Variants in DBF4 observed in about 807,000 individuals in gnomAD.
DBF4 encodes protein DBF4 homolog A.
DBF4 carries 25 observed loss-of-function variants against 76.6 expected under a neutral mutation model. That is an observed-to-expected ratio of 0.33 (90% CI 0.24 to 0.46). The LOEUF (loss-of-function observed/expected upper bound fraction) is 0.46, where lower values mean the gene tolerates loss of function less well. DBF4 is among the 20% of genes least tolerant of loss of function. DBF4 has a pLI of 1.00. For missense variants in DBF4, 638 were observed against 760.8 expected, an observed-to-expected ratio of 0.84 and a Z score of 1.90; for synonymous variants, 213 against 258.0, an observed-to-expected ratio of 0.83 and a Z score of 1.67.
intron 6 of DBF4, among the ~76,000 whole-genome samples, chr7:87,888,585 A>G (rs1839416589): frequency 1.3e-5 from 2 of 152,138 alleles, no homozygotes; most frequent in Admixed American, 6.5e-5. Flanking sequence ...GCATCTATAC[A>G]GTTTCAGGCT....
rs545840006 is a variant in DBF4, at chr7:87,901,313, T to C, written c.924+435T>C. ...GAGTAGAGACCTGAGAGAAATGAAGTAATGAGACCTGGATATTGAGATAAG... is the reference window on the plus strand; with the variant it reads ...GAGTAGAGACCTGAGAGAAATGAAGCAATGAGACCTGGATATTGAGATAAG... On this transcript the variant is annotated intron_variant, in intron 10 of 11. Transcript: ENST00000265728. Among the ~76,000 whole-genome samples the C allele has an allele frequency of 2.4e-3, 370 of 152,214 alleles. 5 individuals are homozygous for C. The highest frequency in any genetic ancestry group is 8.7e-3 in the African/African-American group (360 of 41,542).
chr7:87,905,940 T>A (rs1185889612), intron 11 of DBF4, among the ~76,000 whole-genome samples: 1 of 151,302 alleles, frequency 6.6e-6, no homozygotes, highest in Non-Finnish European at 1.5e-5. Context: ...GGCGGGCAGA[T>A]CACTTGAGGC....
Position 87,876,770 on chromosome 7 carries a change from A to T in DBF4, c.38A>T (p.His13Leu). 6.2e-7 allele frequency: 1 copy of T among 1,614,078 alleles called. No individual in the cohort carries two copies. The highest frequency in any genetic ancestry group is 8.5e-7 in the Non-Finnish European group (1 of 1,179,976). Reference sequence around the variant, plus strand: ...GCCATGAGGATCCACAGTAAAGGACATTTCCAGGGTAAGAAGCCCCTCCTC... The same window carrying T: ...GCCATGAGGATCCACAGTAAAGGACTTTTCCAGGGTAAGAAGCCCCTCCTC... ...SGAMRIHSKGHFQGGIQVKNE... is the reference protein window; with the variant it reads ...SGAMRIHSKGLFQGGIQVKNE... The change falls in exon 1 of 12, where the codon CAT (histidine) becomes CTT (leucine). Residue 13 changes from histidine to leucine, a missense_variant. By Grantham distance (99) the His-to-Leu change is moderately conservative (BLOSUM62 -3). Coordinates refer to ENST00000265728, the MANE Select transcript of DBF4 (RefSeq NM_006716.4).
chr7:87,907,581 C>G lies in DBF4; in HGVS notation c.1443C>G (p.His481Gln). The G allele has an allele frequency of 6.2e-7, 1 of 1,614,088 alleles. No individual in the cohort carries two copies. The highest frequency in any genetic ancestry group is 1.3e-5 in the African/African-American group (1 of 75,050). ...ACTTAGAAGAACTAAGGGTAGATCA[C>G]TATAAATGTAACATACAGGCATCTG... ...ENDLEELRVD[H>Q]YKCNIQASVH... The change falls in exon 12 of 12, where the codon CAC becomes CAG. Residue 481 changes from histidine to glutamine, a missense_variant. By Grantham distance (24) the His-to-Gln change is conservative (BLOSUM62 0). Transcript: ENST00000265728.
At chr7:87,896,578 T>A in intron 7 of DBF4, 68 bp downstream of exon 7, 1 of 1,341,928 alleles carries the variant, frequency 7.5e-7, no homozygotes, top group Non-Finnish European at 1.1e-6. Flanking sequence ...TCTTCTAAAA[T>A]CATATAAACC....
rs149187202 is a variant in DBF4 at position 87,881,223 on chromosome 7, A to G, written c.219+2998A>G. 2.7e-3 allele frequency among the ~76,000 whole-genome samples: 406 copies of G among 152,234 alleles called. 2 individuals are homozygous for G. Among genetic ancestry groups the G allele is most frequent in the African/African-American group, 9.3e-3 (387 of 41,546 alleles). On this transcript the variant is annotated intron_variant, in intron 2 of 11. Transcript: ENST00000265728. Reference sequence around the variant, plus strand: ...GGAGTTTGAGACCAGCCTGGCCAACATGGTGAAACCCCATCTCTACTAAAA... The same window carrying G: ...GGAGTTTGAGACCAGCCTGGCCAACGTGGTGAAACCCCATCTCTACTAAAA...
rs751501830 is a variant in DBF4 at position 87,878,141 on chromosome 7, A to G, written c.135A>G (p.Pro45=). 1.2e-5 allele frequency: 19 copies of G among 1,612,872 alleles called. No homozygotes were observed. The African/African-American group carries it at 2.5e-4, about 22-fold the overall frequency. The change falls in exon 2 of 12, where the codon CCA becomes CCG. Residue 45 remains proline (P), a synonymous_variant. Coordinates refer to ENST00000265728, the MANE Select transcript of DBF4 (RefSeq NM_006716.4). ...GGCCAGAAAAATCCAAATGTAAGCC[A>G]CTTTGGGGAAAAGTATTTTACCTTG... ...DNRPEKSKCK[P]LWGKVFYLDL... is the part of the protein sequence containing the mutation.
intron 3 of DBF4, 25 bp from the exon 4 acceptor site, chr7:87,886,819 T>A (rs775315539): frequency 7.0e-7 from 1 of 1,435,978 alleles, no homozygotes; most frequent in Non-Finnish European, 9.7e-7. Context: ...GCACTATGTT[T>A]TAAATTTTTC....
Position 87,888,064 on chromosome 7 carries a change from G to T in DBF4, c.597+5G>T. ...AGTACTTCAGTAAGAGATGGGGTAT[G>T]TTTTCTTTTTCAATTTTTAAAGTGA... is the stretch of plus-strand genomic sequence containing the variant. On this transcript the variant is annotated splice_donor_5th_base_variant and intron_variant, in intron 6 of 11. Coordinates refer to ENST00000265728, the MANE Select transcript of DBF4 (RefSeq NM_006716.4). 6.5e-7 allele frequency: 1 copy of T among 1,541,698 alleles called. No homozygotes were observed. The highest frequency in any genetic ancestry group is 8.7e-7 in the Non-Finnish European group (1 of 1,150,964).
chr7:87,895,867 G>T (rs187066456), intron 6 of DBF4, among the ~76,000 whole-genome samples: 7 of 152,084 alleles, frequency 4.6e-5, no homozygotes, highest in Admixed American at 4.6e-4. Context: ...AATAATACAG[G>T]GATTCTCTTG....
intron 10 of DBF4, among the ~76,000 whole-genome samples, chr7:87,901,339 T>C (rs1839783467): frequency 6.6e-6 from 1 of 152,062 alleles, no homozygotes; most frequent in Non-Finnish European, 1.5e-5. Context: ...TTGAGATAAG[T>C]AAGTGCAAAG....
intron 2 of DBF4, among the ~76,000 whole-genome samples, chr7:87,880,827 G>A (rs1405428886): frequency 6.6e-6 from 1 of 152,070 alleles, no homozygotes; most frequent in East Asian, 1.9e-4. Context: ...ACCATCTAAG[G>A]AGGACATGGG....
In DBF4 at chr7:87,878,040, A is replaced by G; in HGVS notation, c.47-13A>G. ...GTCTGTGTAAAACATCTGATTCTAA[A>G]CATCTTTAATAGGTGGAATCCAAGT... On this transcript the variant is annotated splice_polypyrimidine_tract_variant and intron_variant, in intron 1 of 11. Transcript: ENST00000265728. 1.9e-6 allele frequency: 3 copies of G among 1,566,862 alleles called. No individual in the cohort carries two copies. The highest frequency in any genetic ancestry group is 2.6e-6 in the Non-Finnish European group (3 of 1,158,268).
intron 2 of DBF4, among the ~76,000 whole-genome samples, chr7:87,880,989 G>GT (rs1839198921): frequency 6.6e-6 from 1 of 152,274 alleles, no homozygotes. Context: ...CAGAAAATAC[G>GT]TTTTGAGTTT....
chr7:87,891,184 T>G (rs1378675794), intron 6 of DBF4, among the ~76,000 whole-genome samples: 13 of 151,576 alleles, frequency 8.6e-5, no homozygotes, highest in Non-Finnish European at 1.9e-4. Context: ...TTTTTTTTTT[T>G]TTTTCCAGTT....
At chr7:87,886,713 C>A in intron 3 of DBF4, 131 bp from the exon 4 acceptor site, 2 of 619,746 alleles carry the variant, frequency 3.2e-6, no homozygotes, top group Non-Finnish European at 5.7e-6. Context: ...ACTACAAAAC[C>A]AAAGAGGTCA....
At chr7:87,907,140 T>C (rs532689838) in intron 11 of DBF4, 48 bp from the exon 12 acceptor site, 139 of 1,451,832 alleles carry the variant, frequency 9.6e-5, no homozygotes, top group Non-Finnish European at 8.4e-5. Context: ...CAGGAATTTG[T>C]TTTGATAGCA....
Position 87,876,652 on chromosome 7 carries a change from A to C in DBF4, c.-81A>C. On this transcript the variant is annotated 5_prime_UTR_variant, in exon 1 of 12. Transcript: ENST00000265728. Reference sequence around the variant, plus strand: ...GGAGAGAGGCGGCCGTCCTGTCAACAGGCCGGGGGAAGCCGTGCTTTCGCG... The same window carrying C: ...GGAGAGAGGCGGCCGTCCTGTCAACCGGCCGGGGGAAGCCGTGCTTTCGCG... 7.9e-6 allele frequency: 12 copies of C among 1,524,964 alleles called. No homozygotes were observed. Among genetic ancestry groups the C allele is most frequent in the South Asian group, 1.1e-5 (1 of 87,510 alleles). The allele number at this position is 1,524,964 out of a possible 1,614,324, so 94.5% of individuals were successfully genotyped here.
At chr7:87,878,269 C>T in intron 2 of DBF4, 44 bp downstream of exon 2, 2 of 1,443,976 alleles carry the variant, frequency 1.4e-6, no homozygotes, top group Non-Finnish European at 1.9e-6. Context: ...AAATTTGTAA[C>T]TAGTACTTTC....
Sources: gnomAD v4.1 joint callset for allele counts (sites outside exome capture counted in the v4.1 genomes callset) on GRCh38, gnomAD v4.1.1 for gene constraint, MANE v1.5 for transcripts, NCBI Gene and HGNC (gene_info 2026-07-23, HGNC 2026-07-21) for gene names.